HSD17B12: variants seen among roughly 807,000 people sequenced by gnomAD.
HSD17B12 encodes the protein very-long-chain 3-oxoacyl-CoA reductase.
Under a neutral mutation model 39.3 loss-of-function variants are expected in HSD17B12, and 32 were observed. The observed-to-expected ratio is 0.81, with a 90% CI of 0.61 to 1.09. HSD17B12 has a LOEUF of 1.09. Ranked by LOEUF, HSD17B12 falls within the 50% of genes least tolerant of loss-of-function variation. The probability of loss-of-function intolerance (pLI) is 0.00; values close to 1 mark genes in which losing one functional copy is unlikely to be tolerated. For missense variants in HSD17B12, 342 were observed against 382.9 expected (o/e 0.89, Z 0.89); for synonymous variants, 150 against 146.7 (o/e 1.02, Z -0.16).
chr11:43,722,607 G>C (rs1162462767), intron 1 of HSD17B12, among the ~76,000 whole-genome samples: 3 of 152,172 alleles, frequency 2.0e-5, no homozygotes, highest in Non-Finnish European at 4.4e-5. Flanking sequence ...AGCACTTTGG[G>C]AGGCCGAGAT....
chr11:43,847,567 C>T (rs552022342), intron 9 of HSD17B12, among the ~76,000 whole-genome samples: 4 of 151,814 alleles, frequency 2.6e-5, no homozygotes, highest in Admixed American at 6.6e-5. Flanking sequence ...ATTAGCTGGG[C>T]GTGGTGGTGC....
upstream of HSD17B12, chr11:43,680,561 G>A (rs1056049720): frequency 2.0e-6 from 1 of 493,614 alleles, no homozygotes; most frequent in Non-Finnish European, 3.7e-6. Context: ...GGCGCTCACT[G>A]GCGGAACCCC....
chr11:43,731,773 C>G (rs756044225), intron 1 of HSD17B12, among the ~76,000 whole-genome samples: 4 of 152,056 alleles, frequency 2.6e-5, no homozygotes, highest in Non-Finnish European at 5.9e-5. Flanking sequence ...TCAGTAAGCT[C>G]TAGGAGGCAT....
At chr11:43,647,708 G>C in the HSD17B12 span, among the ~76,000 whole-genome samples, 3 of 152,090 alleles carry the variant, frequency 2.0e-5, no homozygotes, top group African/African-American at 7.2e-5. Flanking sequence ...AAGAATTGTT[G>C]ATTGTAGTTT....
chr11:43,711,446 T>C (rs899154721), intron 1 of HSD17B12, among the ~76,000 whole-genome samples: 1 of 151,344 alleles, frequency 6.6e-6, no homozygotes, highest in Non-Finnish European at 1.5e-5. Context: ...AAAACTATGG[T>C]GTGTTTTTTT....
rs534103940 is a variant in HSD17B12, at chr11:43,692,099, A to C, written c.160+11112A>C. 3.9e-5 allele frequency among the ~76,000 whole-genome samples: 6 copies of C among 152,284 alleles called. No individual in the cohort carries two copies. The South Asian group carries it at 1.2e-3, about 32-fold the overall frequency. Reference sequence around the variant, plus strand: ...ACAGTTTACCTTATTAGTCGTGTGTATGTATATGTGTGCATGTATCACTTC... The same window carrying C: ...ACAGTTTACCTTATTAGTCGTGTGTCTGTATATGTGTGCATGTATCACTTC... On this transcript the variant is annotated intron_variant, in intron 1 of 10. Coordinates refer to ENST00000278353, the MANE Select transcript of HSD17B12 (RefSeq NM_016142.3).
In HSD17B12 at chr11:43,798,379, T is replaced by C. The variant is rs1180232737; in HGVS notation, c.343T>C (p.Tyr115His). 6.2e-7 allele frequency: 1 copy of C among 1,612,722 alleles called. No homozygotes were observed. Among genetic ancestry groups the C allele is most frequent in the Non-Finnish European group, 8.5e-7 (1 of 1,179,148 alleles). Reference sequence around the variant, plus strand: ...TGTTGACTTTGCATCAGAAGATATTTATGATAAAATTAAAACAGGCTTGGC... The same window carrying C: ...TGTTGACTTTGCATCAGAAGATATTCATGATAAAATTAAAACAGGCTTGGC... ...IAVDFASEDIYDKIKTGLAGL... is the reference protein window; with the variant it reads ...IAVDFASEDIHDKIKTGLAGL... The change falls in exon 4 of 11, where the codon TAT becomes CAT. Residue 115 changes from tyrosine to histidine, a missense_variant. Tyr to His is a moderately conservative substitution (Grantham distance 83). Transcript: ENST00000278353.
At chr11:43,792,415 C>T (rs1054976565) in intron 3 of HSD17B12, among the ~76,000 whole-genome samples, 1 of 152,008 alleles carries the variant, frequency 6.6e-6, no homozygotes, top group African/African-American at 2.4e-5. Context: ...AAAATTGGTA[C>T]GCATTGAATA....
At chr11:43,755,264 A>G (rs879248637) in intron 3 of HSD17B12, 7 of 166,498 alleles carry the variant, frequency 4.2e-5, no homozygotes, top group Admixed American at 3.8e-4. Flanking sequence ...AGTGTTGAAC[A>G]AAGACAAATG....
chr11:43,566,605 C>T, the HSD17B12 span, among the ~76,000 whole-genome samples: 2 of 152,082 alleles, frequency 1.3e-5, no homozygotes, highest in Non-Finnish European at 2.9e-5. Context: ...TCTTGGCTCA[C>T]TGCAACCTCC....
chr11:43,629,433 G>A, the HSD17B12 span, among the ~76,000 whole-genome samples: 58,105 of 151,948 alleles, frequency 0.38, 12,526 homozygotes, highest in East Asian at 0.74. Context: ...ATTTTTGTTT[G>A]TCCTTTGTAT....
At chr11:43,642,139 A>G in the HSD17B12 span, among the ~76,000 whole-genome samples, 1 of 151,754 alleles carries the variant, frequency 6.6e-6, no homozygotes, top group South Asian at 2.1e-4. Context: ...AAAAAAATAT[A>G]CTTTAAAAAT....
chr11:43,657,311 G>C, the HSD17B12 span, among the ~76,000 whole-genome samples: 1 of 152,152 alleles, frequency 6.6e-6, no homozygotes, highest in African/African-American at 2.4e-5. Context: ...ACGTGAAATG[G>C]GTTTCCTGAA....
chr11:43,801,038 C>T (rs549806419), intron 4 of HSD17B12, among the ~76,000 whole-genome samples: 172 of 152,052 alleles, frequency 1.1e-3, no homozygotes, highest in African/African-American at 4.0e-3. Context: ...ACTCAGGAGG[C>T]TGAGGCAGGA....
At chr11:43,655,954 T>G in the HSD17B12 span, among the ~76,000 whole-genome samples, 1 of 152,214 alleles carries the variant, frequency 6.6e-6, no homozygotes, top group Non-Finnish European at 1.5e-5. Context: ...CTTTTACTAT[T>G]GATTGGAATA....
intron 3 of HSD17B12, among the ~76,000 whole-genome samples, chr11:43,760,463 TATCTC>T (rs1950546702): frequency 6.6e-6 from 1 of 152,224 alleles, no homozygotes; most frequent in Non-Finnish European, 1.5e-5. Context: ...TTTTGTAACT[TATCTC>T]AGGGTGTAAA....
chr11:43,848,957 C>T (rs763494716), intron 9 of HSD17B12, among the ~76,000 whole-genome samples: 3 of 152,138 alleles, frequency 2.0e-5, no homozygotes, highest in Non-Finnish European at 1.5e-5. Context: ...CTACACCCAT[C>T]GTGGTTTAAC....
intron 7 of HSD17B12, chr11:43,838,032 G>C (rs1951387931): frequency 2.5e-6 from 1 of 396,814 alleles, no homozygotes; most frequent in Middle Eastern, 6.9e-4. Flanking sequence ...AGACCTCAGA[G>C]GGTAGAGATC....
At chr11:43,565,428 C>G in the HSD17B12 span, among the ~76,000 whole-genome samples, 3 of 152,182 alleles carry the variant, frequency 2.0e-5, no homozygotes, top group Non-Finnish European at 4.4e-5. Flanking sequence ...AGCTATACAG[C>G]CTCTGCCTCC....
Sources: gnomAD v4.1 joint callset for allele counts (sites outside exome capture counted in the v4.1 genomes callset) on GRCh38, gnomAD v4.1.1 for gene constraint, MANE v1.5 for transcripts, NCBI Gene and HGNC (gene_info 2026-07-23, HGNC 2026-07-21) for gene names.